Variants in SGCZ observed in about 807,000 individuals in gnomAD.
The protein encoded by SGCZ is zeta-sarcoglycan.
In SGCZ, 40 loss-of-function variants were observed where a neutral mutation model predicts 41.3. The observed-to-expected ratio is 0.97, with a 90% CI of 0.75 to 1.26. The LOEUF is 1.26. Among genes scored for constraint, SGCZ ranks in the 50% most tolerant of loss-of-function variants. SGCZ has a pLI of 0.00. For missense variants in SGCZ, 552 were observed against 369.8 expected (o/e 1.49, Z -4.04); for synonymous variants, 206 against 137.5 (o/e 1.50, Z -3.49).
At chr8:15,151,526 G>A (rs1799179917) in intron 1 of SGCZ, among the ~76,000 whole-genome samples, 1 of 151,966 alleles carries the variant, frequency 6.6e-6, no homozygotes, top group Non-Finnish European at 1.5e-5. Context: ...GCCTAAATAG[G>A]ACTTCTTTAA....
chr8:14,750,538 G>A (rs578121958), intron 1 of SGCZ, among the ~76,000 whole-genome samples: 3 of 152,172 alleles, frequency 2.0e-5, no homozygotes, highest in South Asian at 2.1e-4. Flanking sequence ...AAGATATCAG[G>A]CATTAATTTT....
chr8:14,376,813 G>GA (rs1416432797), intron 2 of SGCZ, among the ~76,000 whole-genome samples: 1 of 152,056 alleles, frequency 6.6e-6, no homozygotes, highest in African/African-American at 2.4e-5. Context: ...AACATTACAT[G>GA]AAAAAATGAT....
chr8:14,098,114 A>ATAGT (rs1258480749), intron 7 of SGCZ, among the ~76,000 whole-genome samples: 1 of 152,168 alleles, frequency 6.6e-6, no homozygotes, highest in Non-Finnish European at 1.5e-5. Context: ...CATAACACAA[A>ATAGT]TAGTTATTCA....
intron 7 of SGCZ, among the ~76,000 whole-genome samples, chr8:14,097,890 A>T (rs1011070922): frequency 1.2e-4 from 19 of 152,232 alleles, no homozygotes; most frequent in Middle Eastern, 3.4e-3. Flanking sequence ...AGTCTGTTTT[A>T]TCAGAGACTA....
At chr8:14,398,795 G>C (rs1798990706) in intron 2 of SGCZ, among the ~76,000 whole-genome samples, 1 of 152,032 alleles carries the variant, frequency 6.6e-6, no homozygotes. Context: ...TGGCTACCTG[G>C]TGTTGGTTAG....
At chr8:14,138,068 T>A (rs1196812737) in intron 5 of SGCZ, among the ~76,000 whole-genome samples, 2 of 152,116 alleles carry the variant, frequency 1.3e-5, no homozygotes, top group Admixed American at 6.5e-5. Context: ...GAATTTCATA[T>A]CCAGCCAAAC....
At chr8:14,790,548 T>C (rs1055081658) in intron 1 of SGCZ, among the ~76,000 whole-genome samples, 1 of 151,958 alleles carries the variant, frequency 6.6e-6, no homozygotes, top group East Asian at 1.9e-4. Flanking sequence ...ATTTATAGAA[T>C]GAATGATTCT....
intron 3 of SGCZ, among the ~76,000 whole-genome samples, chr8:14,286,197 C>A (rs948677028): frequency 2.0e-5 from 3 of 151,960 alleles, no homozygotes; most frequent in Non-Finnish European, 4.4e-5. Context: ...CTATGGGATA[C>A]CAAAGTGCTC....
intron 1 of SGCZ, among the ~76,000 whole-genome samples, chr8:14,596,845 A>G (rs73192396): frequency 0.053 from 8,113 of 152,252 alleles, 254 homozygotes; most frequent in South Asian, 0.14. Context: ...AATAAAAAAT[A>G]ATAAAGAAAC....
chr8:14,140,108 G>A (rs575801529), intron 5 of SGCZ, among the ~76,000 whole-genome samples: 9 of 152,184 alleles, frequency 5.9e-5, no homozygotes, highest in South Asian at 4.2e-4. Context: ...AAATACCTTC[G>A]ACAAAATTCA....
intron 1 of SGCZ, among the ~76,000 whole-genome samples, chr8:15,024,757 A>T (rs971175883): frequency 3.3e-5 from 5 of 152,028 alleles, no homozygotes; most frequent in African/African-American, 9.7e-5. Flanking sequence ...TAACATGGTG[A>T]AACCCCATCT....
At chr8:14,367,635 G>A (rs2117151451) in intron 2 of SGCZ, among the ~76,000 whole-genome samples, 1 of 152,150 alleles carries the variant, frequency 6.6e-6, no homozygotes, top group South Asian at 2.1e-4. Context: ...ATGGTAGGTG[G>A]GAGAGCATGT....
intron 1 of SGCZ, among the ~76,000 whole-genome samples, chr8:14,776,138 G>C (rs1800394088): frequency 6.6e-6 from 1 of 152,142 alleles, no homozygotes; most frequent in Non-Finnish European, 1.5e-5. Flanking sequence ...TTAAAATGTG[G>C]TGATTTGAAG....
chr8:14,863,469 T>A (rs149764140), intron 1 of SGCZ, among the ~76,000 whole-genome samples: 3 of 151,936 alleles, frequency 2.0e-5, no homozygotes, highest in African/African-American at 7.3e-5. Flanking sequence ...GGACTACAGG[T>A]ACTCACCACT....
At chr8:15,130,936 A>T (rs1042054885) in intron 1 of SGCZ, among the ~76,000 whole-genome samples, 3 of 152,170 alleles carry the variant, frequency 2.0e-5, no homozygotes, top group African/African-American at 7.2e-5. Context: ...AGCATTTACT[A>T]TGTGTTGACC....
At chr8:14,831,395 C>A (rs1802521299) in intron 1 of SGCZ, among the ~76,000 whole-genome samples, 1 of 152,150 alleles carries the variant, frequency 6.6e-6, no homozygotes, top group Non-Finnish European at 1.5e-5. Flanking sequence ...TTATCTGGGG[C>A]TACCATGACT....
intron 4 of SGCZ, among the ~76,000 whole-genome samples, chr8:14,189,706 T>A (rs1314491172): frequency 1.3e-5 from 2 of 152,188 alleles, no homozygotes; most frequent in Non-Finnish European, 1.5e-5. Context: ...CTGACCATGA[T>A]ATCTGAAACA....
chr8:14,735,353 T>C (rs999819972), intron 1 of SGCZ, among the ~76,000 whole-genome samples: 3 of 152,190 alleles, frequency 2.0e-5, no homozygotes, highest in African/African-American at 7.2e-5. Context: ...CACCATCCAA[T>C]TGGCCGCCAG....
intron 1 of SGCZ, among the ~76,000 whole-genome samples, chr8:14,775,477 G>A (rs1029271631): frequency 1.3e-5 from 2 of 151,842 alleles, no homozygotes; most frequent in South Asian, 4.2e-4. Flanking sequence ...GTGTGTGTGT[G>A]TGTGTGTGTG....
Sources: gnomAD v4.1 joint callset for allele counts (sites outside exome capture counted in the v4.1 genomes callset) on GRCh38, gnomAD v4.1.1 for gene constraint, MANE v1.5 for transcripts, NCBI Gene and HGNC (gene_info 2026-07-23, HGNC 2026-07-21) for gene names.